RBFOX1: variants seen among roughly 807,000 people sequenced by gnomAD.
RBFOX1 encodes RNA binding fox-1 homolog 1, also known as RNA binding protein fox-1 homolog 1.
A neutral mutation model predicts 57.7 loss-of-function variants in RBFOX1; 8 were observed. That is an observed-to-expected ratio of 0.14 (90% CI 0.08 to 0.25). The LOEUF (loss-of-function observed/expected upper bound fraction) is 0.25. RBFOX1 is among the 10% of genes least tolerant of loss of function. RBFOX1 has a pLI of 1.00. For synonymous variants in RBFOX1, 326 were observed against 222.4 expected (o/e 1.47, Z -4.15); for missense variants, 611 against 548.5 (o/e 1.11, Z -1.14).
chr16:7,117,200 AT>A (rs2066102717), intron 4 of RBFOX1, among the ~76,000 whole-genome samples: 1 of 152,174 alleles, frequency 6.6e-6, no homozygotes, highest in Non-Finnish European at 1.5e-5. Context: ...CTAGCTAAGC[AT>A]TTTGGGCTTT....
chr16:5,978,864 C>A lies in RBFOX1; in HGVS notation c.351+111529C>A, dbSNP rs978709674. Among the ~76,000 whole-genome samples, 3 of 152,112 alleles carry A rather than the reference C, an allele frequency of 2.0e-5. No homozygotes were observed. In the South Asian group the frequency reaches 6.2e-4, roughly 32 times the overall value. ...CTCATCATATAGCGAGAGCTACACC[C>A]CCAATACTGTTCATCACGGTGCCCA... On this transcript the variant is annotated intron_variant, in intron 4 of 19. Coordinates refer to the RBFOX1 transcript ENST00000641259.
chr16:5,436,177 C>G (rs777235036), intron 1 of RBFOX1, among the ~76,000 whole-genome samples: 12 of 152,316 alleles, frequency 7.9e-5, no homozygotes, highest in Middle Eastern at 6.8e-3. Flanking sequence ...TGGGGAGAGA[C>G]ACTTCAATGC....
At chr16:7,486,762 G>A (rs1053063832) in intron 4 of RBFOX1, among the ~76,000 whole-genome samples, 2 of 152,180 alleles carry the variant, frequency 1.3e-5, no homozygotes, top group Non-Finnish European at 2.9e-5. Flanking sequence ...CAGAGATCCA[G>A]GCCGTTACTA....
At chr16:7,647,546 G>GAAA (rs1324879272) in intron 11 of RBFOX1, among the ~76,000 whole-genome samples, 1 of 87,962 alleles carries the variant, frequency 1.1e-5, no homozygotes, top group Non-Finnish European at 2.6e-5. Context: ...ATTGAACTAG[G>GAAA]AAAAAAAAAA....
At position 5,691,138 on chromosome 16, in the gene RBFOX1, T is replaced by C. The variant is rs1419115726; in HGVS notation, c.318+92177T>C. 2.0e-5 allele frequency among the ~76,000 whole-genome samples: 3 copies of C among 152,238 alleles called. No homozygotes were observed. In the East Asian group the frequency reaches 5.8e-4, roughly 29 times the overall value. On this transcript the variant is annotated intron_variant, in intron 3 of 19. Coordinates refer to the RBFOX1 transcript ENST00000641259. ...TATTTGGATGCTTAGAGATAGTTGTTAAGTTTTCCCTTATGTTTTCTGAGC... is the reference window on the plus strand; with the variant it reads ...TATTTGGATGCTTAGAGATAGTTGTCAAGTTTTCCCTTATGTTTTCTGAGC...
chr16:7,579,298 T>C lies in RBFOX1; in HGVS notation c.271-479T>C, dbSNP rs138818012. Among the ~76,000 whole-genome samples, 458 of 152,328 alleles carry C rather than the reference T, an allele frequency of 3.0e-3. 2 individuals are homozygous for C. The highest frequency in any genetic ancestry group is 0.011 in the African/African-American group (441 of 41,576). On this transcript the variant is annotated intron_variant, in intron 5 of 15. Coordinates refer to ENST00000550418, the MANE Select transcript of RBFOX1 (RefSeq NM_018723.4). ...ATTATGTTTTATCTGCACAATTACC[T>C]GAACAATTATGTAGGCATATCTTCA...
At chr16:6,494,394 C>G (rs1329195419) in intron 2 of RBFOX1, among the ~76,000 whole-genome samples, 1 of 152,118 alleles carries the variant, frequency 6.6e-6, no homozygotes. Context: ...GTTCTTAACC[C>G]CTGTCGATCA....
intron 1 of RBFOX1, among the ~76,000 whole-genome samples, chr16:5,241,073 G>A (rs2062155045): frequency 6.6e-6 from 1 of 152,226 alleles, no homozygotes. Flanking sequence ...TGGTTAATGA[G>A]CCCCACATGG....
intron 2 of RBFOX1, among the ~76,000 whole-genome samples, chr16:6,319,875 A>G (rs1430881178): frequency 6.6e-6 from 1 of 152,184 alleles, no homozygotes; most frequent in African/African-American, 2.4e-5. Context: ...TAAAAATCCC[A>G]TGGCATGCTG....
chr16:7,160,792 C>T (rs1365685821), intron 4 of RBFOX1, among the ~76,000 whole-genome samples: 2 of 147,936 alleles, frequency 1.4e-5, no homozygotes, highest in Non-Finnish European at 3.0e-5. Flanking sequence ...TTTCTCCCTC[C>T]TCCGTCTCCC....
At chr16:5,537,853 C>G (rs1368430212) in intron 2 of RBFOX1, among the ~76,000 whole-genome samples, 1 of 152,208 alleles carries the variant, frequency 6.6e-6, no homozygotes, top group Non-Finnish European at 1.5e-5. Flanking sequence ...TCTGCAAAGG[C>G]TGTTTTGCCA....
intron 1 of RBFOX1, among the ~76,000 whole-genome samples, chr16:6,232,951 G>C (rs1015309194): frequency 1.2e-4 from 18 of 152,142 alleles, no homozygotes; most frequent in Non-Finnish European, 2.1e-4. Context: ...CAGGGTTTGA[G>C]AACTCTCAAT....
At chr16:5,848,975 AAC>A (rs2056824031) in intron 3 of RBFOX1, among the ~76,000 whole-genome samples, 1 of 136,050 alleles carries the variant, frequency 7.4e-6, no homozygotes, top group Admixed American at 7.6e-5. Context: ...AAAAAACAAC[AAC>A]AAAAAAAAAC....
chr16:7,404,339 C>T (rs913639845), intron 4 of RBFOX1, among the ~76,000 whole-genome samples: 2 of 152,156 alleles, frequency 1.3e-5, no homozygotes, highest in African/African-American at 4.8e-5. Flanking sequence ...AGGCATAAGC[C>T]ACCGTGCCCA....
chr16:7,455,511 G>C (rs931995219), intron 4 of RBFOX1, among the ~76,000 whole-genome samples: 10 of 152,046 alleles, frequency 6.6e-5, no homozygotes, highest in Admixed American at 2.0e-4. Context: ...TTCACACTTG[G>C]CCGGGCACCG....
chr16:7,165,590 C>A (rs558871115), intron 4 of RBFOX1, among the ~76,000 whole-genome samples: 25 of 151,480 alleles, frequency 1.7e-4, no homozygotes, highest in African/African-American at 6.1e-4. Flanking sequence ...CCACCACGCC[C>A]GGCTAATTTT....
intron 3 of RBFOX1, among the ~76,000 whole-genome samples, chr16:6,684,500 C>A (rs1411608278): frequency 6.6e-6 from 1 of 152,188 alleles, no homozygotes; most frequent in Admixed American, 6.5e-5. Flanking sequence ...ACATCATCAG[C>A]TTGTGCCATC....
At chr16:6,304,187 C>T (rs1361409808) in intron 1 of RBFOX1, among the ~76,000 whole-genome samples, 2 of 151,648 alleles carry the variant, frequency 1.3e-5, no homozygotes, top group Admixed American at 1.3e-4. Context: ...ATTCAGGAGG[C>T]TGAGGAAGGA....
At chr16:6,892,680 C>CA (rs566418231) in intron 3 of RBFOX1, among the ~76,000 whole-genome samples, 2 of 144,260 alleles carry the variant, frequency 1.4e-5, no homozygotes, top group Admixed American at 1.4e-4. Flanking sequence ...AACAAACAAA[C>CA]AAAAAAGCCT....
Sources: allele counts gnomAD v4.1 joint callset (sites outside exome capture counted in the v4.1 genomes callset), GRCh38; gene constraint gnomAD v4.1.1; transcripts MANE v1.5; gene names NCBI Gene and HGNC (gene_info 2026-07-23, HGNC 2026-07-21).